The following SLC35F4 variants were observed in gnomAD, a reference collection of about 807,000 sequenced individuals.
SLC35F4 encodes solute carrier family 35 member F4.
SLC35F4 carries 24 observed loss-of-function variants against 44.2 expected under a neutral mutation model. The ratio of observed to expected loss-of-function variants is 0.54; its 90% CI spans 0.39 to 0.76. The LOEUF (loss-of-function observed/expected upper bound fraction) is 0.76, where lower values mean the gene tolerates loss of function less well. SLC35F4 is among the 30% of genes least tolerant of loss of function. The probability of loss-of-function intolerance (pLI) is 0.00; values close to 1 mark genes in which losing one functional copy is unlikely to be tolerated. For missense variants in SLC35F4, 562 were observed against 586.1 expected (o/e 0.96, Z 0.42); for synonymous variants, 238 against 223.6 (o/e 1.06, Z -0.57).
At chr14:57,675,465 A>C (rs2074661567) in intron 1 of SLC35F4, among the ~76,000 whole-genome samples, 1 of 152,072 alleles carries the variant, frequency 6.6e-6, no homozygotes, top group African/African-American at 2.4e-5. Flanking sequence ...GCAAACGGCA[A>C]CAATTTGACT....
intron 1 of SLC35F4, among the ~76,000 whole-genome samples, chr14:57,731,165 A>G (rs183485480): frequency 1.8e-4 from 28 of 152,204 alleles, no homozygotes; most frequent in African/African-American, 6.3e-4. Flanking sequence ...TTACTCAAAA[A>G]CCCACAGCAG....
intron 3 of SLC35F4, among the ~76,000 whole-genome samples, chr14:57,583,687 C>T (rs2069470829): frequency 6.6e-6 from 1 of 152,118 alleles, no homozygotes; most frequent in Non-Finnish European, 1.5e-5. Flanking sequence ...CTTCCCCTTT[C>T]TTTCCCCTTC....
chr14:57,603,532 G>T (rs1047427827), intron 1 of SLC35F4, among the ~76,000 whole-genome samples: 1 of 152,146 alleles, frequency 6.6e-6, no homozygotes, highest in African/African-American at 2.4e-5. Flanking sequence ...GTATGACTTG[G>T]TTTCAGCCCA....
At chr14:57,735,555 T>C (rs2076441622) in intron 1 of SLC35F4, among the ~76,000 whole-genome samples, 2 of 152,194 alleles carry the variant, frequency 1.3e-5, no homozygotes, top group Admixed American at 1.3e-4. Context: ...TCCAGCATGC[T>C]AGACTAGCTT....
intron 1 of SLC35F4, among the ~76,000 whole-genome samples, chr14:57,788,921 T>C (rs991471237): frequency 6.6e-6 from 1 of 152,034 alleles, no homozygotes; most frequent in African/African-American, 2.4e-5. Context: ...ACTGGGTACA[T>C]AACGAAATGA....
At chr14:57,776,580 C>T (rs1352019719) in intron 1 of SLC35F4, among the ~76,000 whole-genome samples, 2 of 147,364 alleles carry the variant, frequency 1.4e-5, no homozygotes, top group Non-Finnish European at 3.0e-5. Context: ...GTCAGAGAAT[C>T]GCTTGAACCC....
In SLC35F4 at chr14:57,656,488, T is replaced by A. The variant is rs2073978731; in HGVS notation, c.104-62364A>T. 5.3e-5 allele frequency among the ~76,000 whole-genome samples: 8 copies of A among 152,190 alleles called. No homozygotes were observed. The South Asian group carries it at 1.7e-3, about 32-fold the overall frequency. On this transcript the variant is annotated intron_variant, in intron 1 of 7. Transcript: ENST00000556826. ...AATTAGTTACCTTAGATTATTTGCA[T>A]GTAAAAATCCTCATGGCTTGTTACT...
chr14:57,661,038 A>C (rs1200717574), intron 1 of SLC35F4, among the ~76,000 whole-genome samples: 1 of 152,194 alleles, frequency 6.6e-6, no homozygotes, highest in African/African-American at 2.4e-5. Context: ...CTGTAGGTGA[A>C]CTTAGACAAT....
chr14:57,633,461 G>A (rs1315374265), intron 1 of SLC35F4, among the ~76,000 whole-genome samples: 1 of 152,046 alleles, frequency 6.6e-6, no homozygotes, highest in Non-Finnish European at 1.5e-5. Context: ...GCTGTAATTG[G>A]TATTTCCCTG....
At chr14:57,934,096 G>A (rs7493357) in intron 1 of SLC35F4, among the ~76,000 whole-genome samples, 5,198 of 151,948 alleles carry the variant, frequency 0.034, 313 homozygotes, top group African/African-American at 0.12. Context: ...AGTTTTAAAA[G>A]CAAAATATAA....
intron 1 of SLC35F4, among the ~76,000 whole-genome samples, chr14:57,936,240 A>G (rs945173237): frequency 6.6e-6 from 1 of 152,232 alleles, no homozygotes; most frequent in African/African-American, 2.4e-5. Context: ...GCAGGCATGG[A>G]TCAGATGTAT....
chr14:57,710,936 G>A (rs908982840), intron 1 of SLC35F4, among the ~76,000 whole-genome samples: 5 of 152,070 alleles, frequency 3.3e-5, no homozygotes, highest in Non-Finnish European at 5.9e-5. Context: ...AGTTAATGCT[G>A]GAATGAGTTA....
At chr14:57,648,547 C>G (rs1265785401) in intron 1 of SLC35F4, among the ~76,000 whole-genome samples, 1 of 152,176 alleles carries the variant, frequency 6.6e-6, no homozygotes, top group Non-Finnish European at 1.5e-5. Context: ...CAGTGAATTA[C>G]TAGTGGCTGT....
At chr14:57,615,230 G>A (rs2071741741) in intron 1 of SLC35F4, among the ~76,000 whole-genome samples, 1 of 152,066 alleles carries the variant, frequency 6.6e-6, no homozygotes, top group Non-Finnish European at 1.5e-5. Flanking sequence ...ACTAAGAAAG[G>A]GTTTCTCAGA....
rs535761918 is a variant in SLC35F4, at chr14:57,961,073, G to A, written n.282+20840C>T. On this transcript the variant is annotated intron_variant and non_coding_transcript_variant, in intron 1 of 1. Transcript: ENST00000556568. ...GCTCTGGCTCGTCAAGAAGATACGT[G>A]GGGCAAGTGAGTCAGCTGCTTCAGC... Among the ~76,000 whole-genome samples, 5 of 152,190 alleles carry A rather than the reference G, an allele frequency of 3.3e-5. No homozygotes were observed. The South Asian group carries it at 1.0e-3, about 32-fold the overall frequency.
At chr14:57,797,121 A>G (rs1454747963) in intron 1 of SLC35F4, among the ~76,000 whole-genome samples, 1 of 152,202 alleles carries the variant, frequency 6.6e-6, no homozygotes, top group Non-Finnish European at 1.5e-5. Flanking sequence ...TCCAGGATTC[A>G]TAAAACCATT....
chr14:57,801,649 A>C (rs2078196447), intron 1 of SLC35F4, among the ~76,000 whole-genome samples: 1 of 152,232 alleles, frequency 6.6e-6, no homozygotes, highest in Admixed American at 6.5e-5. Flanking sequence ...TTTACCAAGC[A>C]AATGGAAAAC....
intron 1 of SLC35F4, 146 bp from the exon 2 acceptor site, chr14:57,594,270 G>A: frequency 1.3e-6 from 1 of 768,300 alleles, no homozygotes; most frequent in Non-Finnish European, 2.0e-6. Context: ...AGTCACTGCA[G>A]CCTCTGCCTC....
chr14:57,962,559 G>C (rs1057350216), intron 1 of SLC35F4, among the ~76,000 whole-genome samples: 2 of 152,182 alleles, frequency 1.3e-5, no homozygotes, highest in Admixed American at 6.5e-5. Context: ...CCTATGTGTG[G>C]GGCTCCCCAG....
Sources: gnomAD v4.1 joint callset for allele counts (sites outside exome capture counted in the v4.1 genomes callset) on GRCh38, gnomAD v4.1.1 for gene constraint, MANE v1.5 for transcripts, NCBI Gene and HGNC (gene_info 2026-07-23, HGNC 2026-07-21) for gene names.